Variants in PLAC1 observed in about 807,000 individuals in gnomAD.
PLAC1 encodes placenta associated 1.
For missense variants in PLAC1, 136 were observed against 163.2 expected, an observed-to-expected ratio of 0.83 and a Z score of 0.91; for synonymous variants, 68 against 62.1, an observed-to-expected ratio of 1.09 and a Z score of -0.44.
At chrX:134,621,301 C>T (rs766124831) in intron 1 of PLAC1, among the ~76,000 whole-genome samples, 1 of 108,743 alleles carries the variant, frequency 9.2e-6, no homozygotes, top group Non-Finnish European at 1.9e-5. Flanking sequence ...CAAAAATTAG[C>T]CAGGTGTGGT....
At chrX:134,742,271 G>A (rs1223070190) in intron 1 of PLAC1, among the ~76,000 whole-genome samples, 1 of 113,152 alleles carries the variant, frequency 8.8e-6, no homozygotes, top group Non-Finnish European at 1.9e-5. Context: ...TGCACAGCCT[G>A]GAGCATGGAG....
At chrX:134,589,846 T>G (rs73564401) in intron 2 of PLAC1, among the ~76,000 whole-genome samples, 2,579 of 111,104 alleles carry the variant, frequency 0.023, 73 homozygotes, top group African/African-American at 0.078. Flanking sequence ...CCTGTAGCTA[T>G]TCAGTCTTAT....
intron 1 of PLAC1, chrX:134,651,457 TAAAC>T (rs1279915909): frequency 2.5e-5 from 3 of 122,088 alleles, no homozygotes; most frequent in African/African-American, 6.5e-5. Flanking sequence ...AACAAACAAA[TAAAC>T]AAATAAAAAC....
chrX:134,645,861 C>T (rs2078330404), intron 1 of PLAC1, among the ~76,000 whole-genome samples: 1 of 111,435 alleles, frequency 9.0e-6, no homozygotes, highest in Non-Finnish European at 1.9e-5. Context: ...AAGAAATTTC[C>T]CCTAGTCCCC....
At chrX:134,627,718 C>A (rs1432219695) in intron 1 of PLAC1, among the ~76,000 whole-genome samples, 1 of 112,401 alleles carries the variant, frequency 8.9e-6, no homozygotes, top group African/African-American at 3.2e-5. Flanking sequence ...CATTCCCTTT[C>A]ATTGGTTCTG....
At chrX:134,722,856 G>T (rs2078662340) in intron 2 of PLAC1, among the ~76,000 whole-genome samples, 1 of 109,692 alleles carries the variant, frequency 9.1e-6, no homozygotes, top group Admixed American at 9.8e-5. Context: ...TAAAAAATTA[G>T]AAATAGAATT....
chrX:134,756,249 T>C (rs1038908731), intron 1 of PLAC1, among the ~76,000 whole-genome samples: 1 of 111,052 alleles, frequency 9.0e-6, no homozygotes, highest in Non-Finnish European at 1.9e-5. Context: ...CATCATTTTA[T>C]GGCATTTGGA....
chrX:134,672,950 C>T (rs757966133), intron 2 of PLAC1, among the ~76,000 whole-genome samples: 1 of 112,312 alleles, frequency 8.9e-6, no homozygotes, highest in East Asian at 2.8e-4. Context: ...AGTACTTTGT[C>T]AAGGCTCAAA....
chrX:134,580,478 CA>C (rs1209228689), intron 2 of PLAC1, among the ~76,000 whole-genome samples: 4 of 111,868 alleles, frequency 3.6e-5, no homozygotes, highest in African/African-American at 1.3e-4. Flanking sequence ...TCATAAGTGG[CA>C]AAGCCAGAAC....
At chrX:134,670,157 G>C (rs1296542827) in intron 2 of PLAC1, among the ~76,000 whole-genome samples, 5 of 109,807 alleles carry the variant, frequency 4.6e-5, no homozygotes, top group Non-Finnish European at 7.6e-5. Flanking sequence ...TTGCTACCTG[G>C]GAGCTCCCAG....
At chrX:134,663,190 A>C (rs1389059116), upstream of PLAC1, among the ~76,000 whole-genome samples, 5 of 112,458 alleles carry the variant, frequency 4.4e-5, no homozygotes, top group Admixed American at 4.7e-4. Context: ...AAATTTTGAC[A>C]TGCATTTTGT....
rs2078475953 is a variant in PLAC1, at chrX:134,676,543, T to C, written n.174+56892A>G. On this transcript the variant is annotated intron_variant and non_coding_transcript_variant, in intron 2 of 2. Coordinates refer to the PLAC1 transcript ENST00000466797. Reference sequence around the variant, plus strand: ...TACCAGGATGTGTTCCTGCATTCCCTGACAACCAGTGCTGACAGCAAAAAC... The same window carrying C: ...TACCAGGATGTGTTCCTGCATTCCCCGACAACCAGTGCTGACAGCAAAAAC... Among the ~76,000 whole-genome samples, 3 of 112,229 alleles carry C rather than the reference T, an allele frequency of 2.7e-5. No homozygotes were observed. The Middle Eastern group carries it at 0.014, about 512-fold the overall frequency.
intron 2 of PLAC1, among the ~76,000 whole-genome samples, chrX:134,583,336 TCTC>T (rs1293849394): frequency 1.8e-5 from 2 of 108,420 alleles, no homozygotes; most frequent in Non-Finnish European, 3.8e-5. Context: ...AAGCGATGCT[TCTC>T]CTCCGCCTCC....
At chrX:134,579,096 C>T (rs866908833) in intron 2 of PLAC1, among the ~76,000 whole-genome samples, 69 of 110,966 alleles carry the variant, frequency 6.2e-4, no homozygotes, top group African/African-American at 2.1e-3. Context: ...GGCAACAAAT[C>T]TCAAAATACA....
intron 2 of PLAC1, among the ~76,000 whole-genome samples, chrX:134,687,951 A>G (rs1054246599): frequency 7.0e-5 from 7 of 100,219 alleles, no homozygotes; most frequent in African/African-American, 2.6e-4. Flanking sequence ...CACAGTGGGG[A>G]CCTGGAGCTG....
intron 2 of PLAC1, among the ~76,000 whole-genome samples, chrX:134,728,952 G>A (rs1013339665): frequency 9.0e-6 from 1 of 111,087 alleles, no homozygotes; most frequent in African/African-American, 3.3e-5. Flanking sequence ...GAGATGATAT[G>A]CCTGTCTGAT....
chrX:134,680,540 A>AAACTG (rs748000159), intron 2 of PLAC1, among the ~76,000 whole-genome samples: 50 of 87,168 alleles, frequency 5.7e-4, no homozygotes, highest in African/African-American at 2.1e-3. Context: ...GAACTAAACT[A>AAACTG]AACTGAACTA....
chrX:134,609,075 T>A (rs943775926), intron 1 of PLAC1, among the ~76,000 whole-genome samples: 1 of 110,988 alleles, frequency 9.0e-6, no homozygotes, highest in Non-Finnish European at 1.9e-5. Flanking sequence ...TGGGCTCAAA[T>A]GATCCTCCTT....
intron 2 of PLAC1, among the ~76,000 whole-genome samples, chrX:134,575,926 A>G (rs2077936721): frequency 9.2e-6 from 1 of 108,827 alleles, no homozygotes; most frequent in Non-Finnish European, 1.9e-5. Flanking sequence ...AATGTTAAAA[A>G]TAAATATAAA....
Sources: allele counts gnomAD v4.1 joint callset (sites outside exome capture counted in the v4.1 genomes callset), GRCh38; gene constraint gnomAD v4.1.1; transcripts MANE v1.5; gene names NCBI Gene and HGNC (gene_info 2026-07-23, HGNC 2026-07-21).